The following ARHGAP6 variants were observed in gnomAD, a reference collection of about 807,000 sequenced individuals.
ARHGAP6 encodes the protein Rho GTPase activating protein 6.
In ARHGAP6, 16 loss-of-function variants were observed where a neutral mutation model predicts 55.7. The ratio of observed to expected loss-of-function variants is 0.29; its 90% CI spans 0.19 to 0.44. ARHGAP6 has a LOEUF of 0.44. ARHGAP6 is among the 20% of genes least tolerant of loss of function. The probability of loss-of-function intolerance (pLI) is 1.00; values close to 1 mark genes in which losing one functional copy is unlikely to be tolerated. For synonymous variants in ARHGAP6, 382 were observed against 360.9 expected (o/e 1.06, Z -0.66); for missense variants, 698 against 808.9 (o/e 0.86, Z 1.66).
intron 1 of ARHGAP6, among the ~76,000 whole-genome samples, chrX:11,320,414 T>G (rs1303573888): frequency 8.9e-6 from 1 of 111,765 alleles, no homozygotes; most frequent in African/African-American, 3.3e-5. Flanking sequence ...AGGTCACTTG[T>G]GCTGGTGGAG....
intron 1 of ARHGAP6, among the ~76,000 whole-genome samples, chrX:11,573,611 A>C (rs201463307): frequency 0.075 from 8,289 of 110,337 alleles, 363 homozygotes; most frequent in East Asian, 0.19. Context: ...GTTTGAAGTC[A>C]GGTAGCGTGA....
At chrX:11,528,314 C>T (rs1448622189) in intron 1 of ARHGAP6, among the ~76,000 whole-genome samples, 1 of 111,972 alleles carries the variant, frequency 8.9e-6, no homozygotes, top group East Asian at 2.8e-4. Context: ...TTCTGTGGCA[C>T]GTTTAGATAA....
At chrX:11,652,788 T>C (rs983405298) in intron 1 of ARHGAP6, among the ~76,000 whole-genome samples, 3 of 111,689 alleles carry the variant, frequency 2.7e-5, no homozygotes, top group Admixed American at 1.9e-4. Flanking sequence ...TTGTGGGTGA[T>C]AGCTAGGCAT....
intron 1 of ARHGAP6, among the ~76,000 whole-genome samples, chrX:11,515,580 TATACCATTTAAA>T (rs2050830254): frequency 8.9e-6 from 1 of 112,147 alleles, no homozygotes; most frequent in Admixed American, 9.5e-5. Flanking sequence ...CATGGAAATT[TATACCATTTAAA>T]ATATGTTTTT....
chrX:11,184,351 G>T (rs1349473631), intron 5 of ARHGAP6, among the ~76,000 whole-genome samples: 1 of 112,517 alleles, frequency 8.9e-6, no homozygotes. Context: ...GCCTCCCAAA[G>T]TGTTGGGATG....
intron 1 of ARHGAP6, among the ~76,000 whole-genome samples, chrX:11,328,911 T>C (rs957315015): frequency 8.9e-6 from 1 of 112,058 alleles, no homozygotes; most frequent in African/African-American, 3.2e-5. Context: ...TGTAGCTAGA[T>C]CACTCTTCAG....
intron 1 of ARHGAP6, among the ~76,000 whole-genome samples, chrX:11,568,510 G>A (rs1253578954): frequency 8.9e-6 from 1 of 112,016 alleles, no homozygotes; most frequent in African/African-American, 3.2e-5. Flanking sequence ...AGTGGCTCAC[G>A]CCTATAATCC....
At chrX:11,570,628 A>C (rs2051503037) in intron 1 of ARHGAP6, among the ~76,000 whole-genome samples, 2 of 111,169 alleles carry the variant, frequency 1.8e-5, no homozygotes, top group African/African-American at 6.5e-5. Context: ...CAGGGCAAGT[A>C]AGTGGTGGCT....
intron 1 of ARHGAP6, among the ~76,000 whole-genome samples, chrX:11,654,555 G>A (rs1325487486): frequency 5.4e-5 from 6 of 111,718 alleles, no homozygotes; most frequent in African/African-American, 1.9e-4. Context: ...AATAGTTCAG[G>A]TGAGATAAGG....
In ARHGAP6 at chrX:11,254,716, CAAAAAAAA is replaced by C; in HGVS notation, c.589-17_589-10del. 3.6e-5 allele frequency: 31 copies of C among 866,809 alleles called. No homozygotes were observed. The highest frequency in any genetic ancestry group is 3.0e-4 in the South Asian group (6 of 20,118). 71.4% of individuals were successfully genotyped at this position (866,809 alleles called of 1,213,427 possible). ...TTCCAGGTGAAATCACCCTGTAGGC[CAAAAAAAA>C]AAAAAAAAAAAAAATCAAGAGTTAC... On this transcript the variant is annotated splice_polypyrimidine_tract_variant and intron_variant, in intron 1 of 12. Coordinates refer to ENST00000337414, the MANE Select transcript of ARHGAP6 (RefSeq NM_013427.3).
chrX:11,148,096 C>T (rs897173974), intron 10 of ARHGAP6, among the ~76,000 whole-genome samples: 2 of 111,758 alleles, frequency 1.8e-5, no homozygotes, highest in Non-Finnish European at 3.8e-5. Flanking sequence ...TTCCACAGGA[C>T]ACTCAGTGTC....
chrX:11,491,608 T>A (rs2050569311), intron 1 of ARHGAP6, among the ~76,000 whole-genome samples: 1 of 111,588 alleles, frequency 9.0e-6, no homozygotes, highest in South Asian at 3.7e-4. Context: ...TAATCCAGTC[T>A]ATCATTGTTG....
chrX:11,187,978 G>A (rs1299048652), intron 4 of ARHGAP6, among the ~76,000 whole-genome samples: 1 of 111,772 alleles, frequency 8.9e-6, no homozygotes, highest in Non-Finnish European at 1.9e-5. Context: ...GCTGCAGTGA[G>A]CAGTGATCAT....
intron 1 of ARHGAP6, among the ~76,000 whole-genome samples, chrX:11,292,823 CCT>C (rs1049218458): frequency 6.2e-5 from 7 of 112,016 alleles, no homozygotes; most frequent in African/African-American, 1.6e-4. Flanking sequence ...GGCTTTGTCC[CCT>C]GTTTTGGTGG....
At chrX:11,643,278 C>G (rs2052494088) in intron 1 of ARHGAP6, among the ~76,000 whole-genome samples, 1 of 111,853 alleles carries the variant, frequency 8.9e-6, no homozygotes, top group Non-Finnish European at 1.9e-5. Context: ...GTCAGAGGTT[C>G]CCATCTACAA....
At chrX:11,247,236 T>C (rs1346687489) in intron 2 of ARHGAP6, among the ~76,000 whole-genome samples, 1 of 112,124 alleles carries the variant, frequency 8.9e-6, no homozygotes, top group Non-Finnish European at 1.9e-5. Context: ...CATTCCATGA[T>C]ACTGTTTTCA....
intron 1 of ARHGAP6, among the ~76,000 whole-genome samples, chrX:11,661,705 C>T (rs1460765801): frequency 8.9e-6 from 1 of 112,208 alleles, no homozygotes; most frequent in African/African-American, 3.2e-5. Context: ...GAGGGATCCT[C>T]GTGGTTTTGG....
intron 1 of ARHGAP6, among the ~76,000 whole-genome samples, chrX:11,621,161 C>T (rs4830453): frequency 0.37 from 40,820 of 110,266 alleles, 5,817 homozygotes; most frequent in African/African-American, 0.52. Context: ...AGAGAGAGAA[C>T]GGACATACAT....
intron 1 of ARHGAP6, among the ~76,000 whole-genome samples, chrX:11,640,096 A>C (rs1450985050): frequency 1.8e-5 from 2 of 111,352 alleles, no homozygotes; most frequent in African/African-American, 6.5e-5. Context: ...TCTTACAGTA[A>C]TTTTTTATCA....
Sources: gnomAD v4.1 joint callset for allele counts (sites outside exome capture counted in the v4.1 genomes callset) on GRCh38, gnomAD v4.1.1 for gene constraint, MANE v1.5 for transcripts, NCBI Gene and HGNC (gene_info 2026-07-23, HGNC 2026-07-21) for gene names.